PPARG: variants seen among roughly 807,000 people sequenced by gnomAD.
PPARG encodes the protein peroxisome proliferator activated receptor gamma, also known as peroxisome proliferator-activated receptor gamma.
In PPARG, 17 loss-of-function variants were observed where a neutral mutation model predicts 39.2. The ratio of observed to expected loss-of-function variants is 0.43; its 90% confidence interval spans 0.30 to 0.65. The LOEUF (loss-of-function observed/expected upper bound fraction) is 0.65. Among genes scored for constraint, PPARG ranks in the 30% least tolerant of loss-of-function variants. The pLI is 0.13. For missense variants in PPARG, 406 were observed against 585.9 expected, an observed-to-expected ratio of 0.69 and a Z score of 3.17; for synonymous variants, 223 against 215.7, an observed-to-expected ratio of 1.03 and a Z score of -0.30.
Position 12,379,870 on chromosome 3 carries a change from C to T in PPARG, c.159C>T (p.Phe53=). The T allele has an allele frequency of 6.2e-7, 1 of 1,613,878 alleles. No homozygotes were observed. The highest frequency in any genetic ancestry group is 8.5e-7 in the Non-Finnish European group (1 of 1,179,798). Residue 53 remains phenylalanine, a synonymous_variant, in exon 3 of 8, where the codon TTC becomes TTT. Transcript: ENST00000651735. The part of the protein sequence containing the change: ...ISTPHYEDIP[F]TRTDPVVADY... ...CTCCACATTACGAAGACATTCCATT[C>T]ACAAGAACAGATCCAGTGGTTGCAG...
chr3:12,356,339 T>A (rs6788489), intron 2 of PPARG, among the ~76,000 whole-genome samples: 4,613 of 152,316 alleles, frequency 0.03, 234 homozygotes, highest in African/African-American at 0.1. Flanking sequence ...CCAACTCTTA[T>A]AACCTCAGAA....
At chr3:12,305,530 T>C (rs1429857371) in intron 1 of PPARG, among the ~76,000 whole-genome samples, 1 of 152,242 alleles carries the variant, frequency 6.6e-6, no homozygotes, top group Non-Finnish European at 1.5e-5. Flanking sequence ...TTTTTCCAAA[T>C]GCAGATATAG....
intron 2 of PPARG, among the ~76,000 whole-genome samples, chr3:12,327,332 A>G (rs912383617): frequency 3.3e-5 from 5 of 152,218 alleles, no homozygotes; most frequent in Admixed American, 3.3e-4. Context: ...ACTTTGGCAA[A>G]TGAGGTTGCC....
chr3:12,417,902 CTTTTT>C (rs869086237), intron 7 of PPARG, among the ~76,000 whole-genome samples: 1 of 65,900 alleles, frequency 1.5e-5, no homozygotes, highest in Non-Finnish European at 2.7e-5. Flanking sequence ...TTTTTTTTTC[CTTTTT>C]TTTTTTTTTT....
chr3:12,336,897 T>C (rs778371988), intron 2 of PPARG, among the ~76,000 whole-genome samples: 13 of 152,218 alleles, frequency 8.5e-5, no homozygotes, highest in African/African-American at 2.4e-5. Context: ...TAAGTTTGAA[T>C]AGGGTACTCT....
intron 1 of PPARG, among the ~76,000 whole-genome samples, chr3:12,293,056 C>T (rs6782178): frequency 0.42 from 64,142 of 152,070 alleles, 14,559 homozygotes; most frequent in African/African-American, 0.55. Flanking sequence ...AATCCTACAG[C>T]GTAGGCTTTC....
At position 12,354,472 on chromosome 3, in the gene PPARG, A is replaced by G. The variant is rs1021609785; in HGVS notation, c.-8-25232A>G. Among the ~76,000 whole-genome samples, 8 of 140,200 alleles carry G rather than the reference A, an allele frequency of 5.7e-5. No individual in the cohort carries two copies. The South Asian group carries it at 1.7e-3, about 31-fold the overall frequency. 92.0% of individuals were successfully genotyped at this position (140,200 alleles called of 152,430 possible). Reference sequence around the variant, plus strand: ...CGTTTAAAAAAAGAAAAGGCTGGGTACAGTGGCTCACATCTGTAATCCCAC... The same window carrying G: ...CGTTTAAAAAAAGAAAAGGCTGGGTGCAGTGGCTCACATCTGTAATCCCAC... On this transcript the variant is annotated intron_variant, in intron 2 of 7. Coordinates refer to ENST00000651735, the MANE Select transcript of PPARG (RefSeq NM_138711.6).
upstream of PPARG, chr3:12,288,735 A>AGGGGCTGGGGACG (rs1553630897): frequency 2.6e-5 from 4 of 151,824 alleles, no homozygotes; most frequent in Admixed American, 2.0e-4. Context: ...CGCCCGGCGG[A>AGGGGCTGGGGACG]GGGGCTGGGG....
At chr3:12,315,981 G>A (rs2047377857) in intron 2 of PPARG, among the ~76,000 whole-genome samples, 1 of 152,192 alleles carries the variant, frequency 6.6e-6, no homozygotes, top group Admixed American at 6.5e-5. Context: ...ATATTTGTTT[G>A]AATGGGAAGA....
At chr3:12,363,786 T>C (rs2048928508) in intron 2 of PPARG, among the ~76,000 whole-genome samples, 1 of 152,184 alleles carries the variant, frequency 6.6e-6, no homozygotes, top group Non-Finnish European at 1.5e-5. Flanking sequence ...CCCCTATCAC[T>C]GCAAAGCCAA....
At chr3:12,315,107 G>T (rs1399695573) in intron 2 of PPARG, among the ~76,000 whole-genome samples, 5 of 152,078 alleles carry the variant, frequency 3.3e-5, no homozygotes, top group Admixed American at 6.6e-5. Context: ...CCAATCTCTT[G>T]CTATCCCCAG....
chr3:12,404,639 AC>A (rs2050593608), intron 5 of PPARG, among the ~76,000 whole-genome samples: 1 of 152,154 alleles, frequency 6.6e-6, no homozygotes, highest in Admixed American at 6.5e-5. Context: ...CCCTGTCTCT[AC>A]TAAAAATACA....
At chr3:12,329,350 T>C (rs1488347563) in intron 2 of PPARG, among the ~76,000 whole-genome samples, 1 of 152,170 alleles carries the variant, frequency 6.6e-6, no homozygotes, top group Non-Finnish European at 1.5e-5. Flanking sequence ...TTAACATTCA[T>C]GACTAAGGAG....
At chr3:12,302,688 T>A (rs536946394) in intron 1 of PPARG, among the ~76,000 whole-genome samples, 1 of 152,194 alleles carries the variant, frequency 6.6e-6, no homozygotes, top group Admixed American at 6.5e-5. Flanking sequence ...GTGAGAAACA[T>A]GGTTGGAAGT....
At chr3:12,335,451 C>A (rs1201849231) in intron 2 of PPARG, among the ~76,000 whole-genome samples, 2 of 152,178 alleles carry the variant, frequency 1.3e-5, no homozygotes, top group South Asian at 4.1e-4. Context: ...TTTTCTCTAG[C>A]ATTTTTAGAG....
intron 5 of PPARG, among the ~76,000 whole-genome samples, chr3:12,393,855 C>G (rs1256416703): frequency 6.6e-6 from 1 of 152,040 alleles, no homozygotes; most frequent in Non-Finnish European, 1.5e-5. Context: ...TGATTAATAA[C>G]CTACCCTTTA....
intron 4 of PPARG, among the ~76,000 whole-genome samples, chr3:12,384,903 A>C (rs1469770130): frequency 6.6e-6 from 1 of 152,164 alleles, no homozygotes; most frequent in African/African-American, 2.4e-5. Context: ...CACATAAACA[A>C]AATCTCTTTG....
intron 4 of PPARG, among the ~76,000 whole-genome samples, chr3:12,389,767 C>T (rs976826653): frequency 7.9e-5 from 12 of 152,004 alleles, no homozygotes; most frequent in African/African-American, 2.9e-4. Flanking sequence ...TATGGTGGTG[C>T]ATGCCTATAA....
At chr3:12,364,460 G>A (rs545830787) in intron 2 of PPARG, among the ~76,000 whole-genome samples, 103 of 152,322 alleles carry the variant, frequency 6.8e-4, no homozygotes, top group Non-Finnish European at 1.1e-3. Flanking sequence ...AGCTACTGAA[G>A]GGTGTCTTGG....
Sources: allele counts gnomAD v4.1 joint callset (sites outside exome capture counted in the v4.1 genomes callset), GRCh38; gene constraint gnomAD v4.1.1; transcripts MANE v1.5; gene names NCBI Gene and HGNC (gene_info 2026-07-23, HGNC 2026-07-21).